RBMS3: variants seen among roughly 807,000 people sequenced by gnomAD.
RBMS3 encodes RNA-binding motif, single-stranded-interacting protein 3.
RBMS3 carries 27 observed loss-of-function variants against 66.8 expected under a neutral mutation model. The ratio of observed to expected loss-of-function variants is 0.40; its 90% CI spans 0.30 to 0.56. The LOEUF (loss-of-function observed/expected upper bound fraction) is 0.56, where lower values mean the gene tolerates loss of function less well. Among genes scored for constraint, RBMS3 ranks in the 20% least tolerant of loss-of-function variants. The pLI, the probability that RBMS3 is intolerant of heterozygous loss-of-function variation, is 0.40. For missense variants in RBMS3, 513 were observed against 549.5 expected, an observed-to-expected ratio of 0.93 and a Z score of 0.66; for synonymous variants, 188 against 183.0, an observed-to-expected ratio of 1.03 and a Z score of -0.22.
rs545650215 is a variant in RBMS3 at position 29,628,407 on chromosome 3, C to T, written c.399+41202C>T. On this transcript the variant is annotated intron_variant, in intron 4 of 14. Coordinates refer to ENST00000383767, the MANE Select transcript of RBMS3 (RefSeq NM_001003793.3). ...CAGATTACCTTTTCCACCTACCTCTCAGAATGGACTTCAGTGGGAGTAAAC... is the reference window on the plus strand; with the variant it reads ...CAGATTACCTTTTCCACCTACCTCTTAGAATGGACTTCAGTGGGAGTAAAC... 2.6e-5 allele frequency among the ~76,000 whole-genome samples: 4 copies of T among 152,242 alleles called. No homozygotes were observed. The East Asian group carries it at 7.7e-4, about 29-fold the overall frequency.
At chr3:29,707,118 T>C (rs982641015) in intron 4 of RBMS3, among the ~76,000 whole-genome samples, 1 of 152,186 alleles carries the variant, frequency 6.6e-6, no homozygotes, top group African/African-American at 2.4e-5. Context: ...CTGCTTGAAA[T>C]TAATGTCTTT....
chr3:29,864,413 C>T (rs1022128892), intron 6 of RBMS3, among the ~76,000 whole-genome samples: 3 of 152,128 alleles, frequency 2.0e-5, no homozygotes, highest in African/African-American at 7.2e-5. Context: ...CTGTAGTGGC[C>T]AGATGACCCA....
At chr3:29,470,898 AT>A (rs2042702559) in intron 2 of RBMS3, among the ~76,000 whole-genome samples, 1 of 152,172 alleles carries the variant, frequency 6.6e-6, no homozygotes, top group Non-Finnish European at 1.5e-5. Context: ...TGTGTAAATT[AT>A]AAACCACCCA....
In RBMS3 at chr3:29,433,592, C is replaced by T. The variant is rs117903510; in HGVS notation, c.76-1151C>T. 4.7e-4 allele frequency among the ~76,000 whole-genome samples: 71 copies of T among 152,174 alleles called. No individual in the cohort carries two copies. In the East Asian group the frequency reaches 0.013, roughly 27 times the overall value. On this transcript the variant is annotated intron_variant, in intron 1 of 14. Transcript: ENST00000383767. Reference sequence around the variant, plus strand: ...AAGAGAGTACCGTTATTATCTCCTTCGTATTAATGAGAATGCTGCTTCTCA... The same window carrying T: ...AAGAGAGTACCGTTATTATCTCCTTTGTATTAATGAGAATGCTGCTTCTCA...
At chr3:29,686,031 G>T (rs1396518594) in intron 4 of RBMS3, among the ~76,000 whole-genome samples, 1 of 152,210 alleles carries the variant, frequency 6.6e-6, no homozygotes, top group Non-Finnish European at 1.5e-5. Context: ...ACTGGAGATG[G>T]AGGCAAGCAC....
chr3:29,633,915 T>A lies in RBMS3; in HGVS notation c.399+46710T>A, dbSNP rs576658344. Among the ~76,000 whole-genome samples the A allele has an allele frequency of 3.3e-5, 5 of 152,010 alleles. No individual in the cohort carries two copies. The South Asian group carries it at 8.3e-4, about 25-fold the overall frequency. On this transcript the variant is annotated intron_variant, in intron 4 of 14. Coordinates refer to ENST00000383767, the MANE Select transcript of RBMS3 (RefSeq NM_001003793.3). ...ATTTAAATAACCCCACTCAATAATC[T>A]CATCTTTTTTTCTAAAAGAGCATTT...
chr3:29,528,019 T>C (rs1440312036), intron 3 of RBMS3, among the ~76,000 whole-genome samples: 1 of 151,984 alleles, frequency 6.6e-6, no homozygotes, highest in Non-Finnish European at 1.5e-5. Flanking sequence ...AGCACTGCAC[T>C]GGTGATTGAT....
chr3:29,703,556 G>C (rs1289808165), intron 4 of RBMS3, among the ~76,000 whole-genome samples: 4 of 152,158 alleles, frequency 2.6e-5, no homozygotes, highest in African/African-American at 9.7e-5. Context: ...CAGAGTATTT[G>C]TACAAGTAGT....
At chr3:29,688,059 C>T (rs916450395) in intron 4 of RBMS3, among the ~76,000 whole-genome samples, 2 of 152,118 alleles carry the variant, frequency 1.3e-5, no homozygotes, top group African/African-American at 4.8e-5. Flanking sequence ...ATATTATTTT[C>T]ACCCAGCTCT....
At chr3:29,747,988 A>G (rs2055001702) in intron 5 of RBMS3, among the ~76,000 whole-genome samples, 1 of 152,228 alleles carries the variant, frequency 6.6e-6, no homozygotes, top group African/African-American at 2.4e-5. Flanking sequence ...GACAATAAGT[A>G]TGTAATAAAC....
chr3:29,935,707 T>C (rs898283168), intron 10 of RBMS3, among the ~76,000 whole-genome samples: 49 of 152,116 alleles, frequency 3.2e-4, no homozygotes, highest in African/African-American at 1.2e-3. Flanking sequence ...CCAAGTCTTA[T>C]CAAATAACAA....
chr3:29,872,455 T>G (rs1251470296), intron 7 of RBMS3, among the ~76,000 whole-genome samples: 1 of 152,096 alleles, frequency 6.6e-6, no homozygotes, highest in Non-Finnish European at 1.5e-5. Context: ...TACCTTCATC[T>G]AGATAAGTCA....
At chr3:29,508,075 A>G (rs984075484) in intron 3 of RBMS3, among the ~76,000 whole-genome samples, 1 of 152,200 alleles carries the variant, frequency 6.6e-6, no homozygotes, top group Non-Finnish European at 1.5e-5. Context: ...ATGAGATGTC[A>G]AGAAAGAGAA....
intron 11 of RBMS3, 118 bp downstream of exon 11, chr3:29,936,314 C>T: frequency 3.1e-6 from 3 of 962,282 alleles, no homozygotes; most frequent in Non-Finnish European, 3.2e-6. Flanking sequence ...ACTAACACAT[C>T]TTTCAGGTTT....
intron 13 of RBMS3, 77 bp from the exon 14 acceptor site, chr3:29,991,005 G>A (rs1373151501): frequency 7.0e-7 from 1 of 1,420,922 alleles, no homozygotes; most frequent in East Asian, 2.3e-5. Flanking sequence ...AAATAGAAGA[G>A]GGGTACTTAC....
At chr3:29,809,630 A>G (rs984859102) in intron 6 of RBMS3, among the ~76,000 whole-genome samples, 2 of 151,836 alleles carry the variant, frequency 1.3e-5, no homozygotes, top group Non-Finnish European at 2.9e-5. Context: ...CAAACAGTTT[A>G]TTTCAGAGCT....
chr3:29,330,835 T>C (rs985227768), intron 1 of RBMS3, among the ~76,000 whole-genome samples: 8 of 152,166 alleles, frequency 5.3e-5, no homozygotes, highest in African/African-American at 1.4e-4. Context: ...GGATGGACGT[T>C]GTCAGTCCAT....
chr3:29,363,565 G>A (rs530050685), intron 1 of RBMS3, among the ~76,000 whole-genome samples: 1 of 152,144 alleles, frequency 6.6e-6, no homozygotes, highest in Non-Finnish European at 1.5e-5. Context: ...AAAGCGGGTG[G>A]ATCACCTGAG....
chr3:29,378,131 A>G (rs2038572418), intron 1 of RBMS3, among the ~76,000 whole-genome samples: 1 of 152,132 alleles, frequency 6.6e-6, no homozygotes, highest in Non-Finnish European at 1.5e-5. Context: ...CAAGTCCTTT[A>G]ACAGTTCTCT....
Sources: gnomAD v4.1 joint callset for allele counts (sites outside exome capture counted in the v4.1 genomes callset) on GRCh38, gnomAD v4.1.1 for gene constraint, MANE v1.5 for transcripts, NCBI Gene and HGNC (gene_info 2026-07-23, HGNC 2026-07-21) for gene names.